B4GALT1: variants seen among roughly 807,000 people sequenced by gnomAD.
The protein encoded by B4GALT1 is beta-1,4-galactosyltransferase 1, also known as N-acetyllactosamine synthase.
A neutral mutation model predicts 34.9 loss-of-function variants in B4GALT1; 16 were observed. The ratio of observed to expected loss-of-function variants is 0.46; its 90% CI spans 0.31 to 0.70. B4GALT1 has a LOEUF of 0.70. Ranked by LOEUF, B4GALT1 falls within the 30% of genes least tolerant of loss-of-function variation. The probability of loss-of-function intolerance (pLI) is 0.05; values close to 1 mark genes in which losing one functional copy is unlikely to be tolerated. For synonymous variants in B4GALT1, 221 were observed against 218.1 expected (o/e 1.01, Z -0.12); for missense variants, 445 against 530.5 (o/e 0.84, Z 1.58).
Position 33,135,536 on chromosome 9 carries a change from C to T in B4GALT1, c.413-112G>A, listed in dbSNP as rs1430527315. On this transcript the variant is annotated intron_variant, in intron 1 of 5. Transcript: ENST00000379731. ...GCAGCTGCAGAGGAAATGTCTCCTC[C>T]TGGGAGGCAACGTGGCCACGGAGAG... 7 of 1,124,406 alleles carry T rather than the reference C, an allele frequency of 6.2e-6. No homozygotes were observed. The East Asian group carries it at 1.3e-4, about 21-fold the overall frequency. The allele number at this position is 1,124,406 out of a possible 1,614,324, so 69.7% of individuals were successfully genotyped here. A position where few individuals can be genotyped will look rare whatever the true frequency, so the allele number is the denominator to read the frequency against.
At chr9:33,146,399 A>C (rs1001454677) in intron 1 of B4GALT1, among the ~76,000 whole-genome samples, 1 of 152,214 alleles carries the variant, frequency 6.6e-6, no homozygotes, top group Middle Eastern at 3.2e-3. Flanking sequence ...GCTTCTCAGA[A>C]AGGTTTAGAA....
intron 2 of B4GALT1, among the ~76,000 whole-genome samples, chr9:33,126,122 T>G (rs1013066550): frequency 2.0e-5 from 3 of 152,062 alleles, no homozygotes; most frequent in African/African-American, 7.2e-5. Context: ...ACAGGACAGA[T>G]CCGGGGGCAG....
At chr9:33,163,166 T>C (rs1044792931) in intron 1 of B4GALT1, among the ~76,000 whole-genome samples, 2 of 152,004 alleles carry the variant, frequency 1.3e-5, no homozygotes, top group African/African-American at 4.8e-5. Context: ...TGTCCACATG[T>C]GTGCATATGA....
Position 33,167,177 on chromosome 9 carries a change from C to A in B4GALT1, c.-8G>T. On this transcript the variant is annotated 5_prime_UTR_variant, in exon 1 of 6. Coordinates refer to ENST00000379731, the MANE Select transcript of B4GALT1 (RefSeq NM_001497.4). The stretch of plus-strand genomic sequence containing the variant: ...CGGCTCCCGAAGCCTCATCTTCCCG[C>A]CGCCGCTTTAAGAAGGGTGTGGGCT... The A allele has an allele frequency of 6.3e-7, 1 of 1,594,492 alleles. No individual in the cohort carries two copies.
chr9:33,165,439 T>C (rs1278454929), intron 1 of B4GALT1, among the ~76,000 whole-genome samples: 1 of 152,210 alleles, frequency 6.6e-6, no homozygotes, highest in African/African-American at 2.4e-5. Context: ...ATGGGACTAG[T>C]CTGCTTCCCA....
chr9:33,121,782 CTGAATGAA>C (rs529679969), intron 2 of B4GALT1, among the ~76,000 whole-genome samples: 8 of 152,036 alleles, frequency 5.3e-5, no homozygotes, highest in East Asian at 1.9e-4. Context: ...TGCTGGTTGG[CTGAATGAA>C]TGAATGAATG....
the B4GALT1 span, among the ~76,000 whole-genome samples, chr9:33,184,235 AAAAT>A: frequency 7.0e-6 from 1 of 143,064 alleles, no homozygotes. Flanking sequence ...AAAACAAAAT[AAAAT>A]AAAGTCACTC....
chr9:33,167,660 G>A (rs1840792357), upstream of B4GALT1, among the ~76,000 whole-genome samples: 1 of 152,250 alleles, frequency 6.6e-6, no homozygotes, highest in Admixed American at 6.5e-5. Flanking sequence ...GCCACTTCCT[G>A]GGGTGCGAAG....
At chr9:33,121,576 G>A (rs1005694173) in intron 2 of B4GALT1, among the ~76,000 whole-genome samples, 1 of 150,072 alleles carries the variant, frequency 6.7e-6, no homozygotes, top group African/African-American at 2.5e-5. Context: ...TTTCACGTTG[G>A]CCAGGCTGGT....
chr9:33,152,134 G>A lies in B4GALT1; in HGVS notation c.412+14624C>T, dbSNP rs138309065. Among the ~76,000 whole-genome samples, 677 of 151,992 alleles carry A rather than the reference G, an allele frequency of 4.5e-3. 7 individuals carry two copies. Among genetic ancestry groups the A allele is most frequent in the African/African-American group, 0.015 (633 of 41,454 alleles). On this transcript the variant is annotated intron_variant, in intron 1 of 5. Transcript: ENST00000379731. ...AGCTTGACCTACATAGTGAAACCCC[G>A]TCTCTACTAAAACACAAAAATTAGC...
chr9:33,184,188 TA>T, the B4GALT1 span, among the ~76,000 whole-genome samples: 1 of 149,052 alleles, frequency 6.7e-6, no homozygotes, highest in Non-Finnish European at 1.5e-5. Flanking sequence ...AAAGGAAATA[TA>T]AAAAAGAAAA....
At chr9:33,146,674 C>T (rs373859365) in intron 1 of B4GALT1, among the ~76,000 whole-genome samples, 18 of 147,118 alleles carry the variant, frequency 1.2e-4, no homozygotes, top group African/African-American at 4.5e-4. Flanking sequence ...TCTACAGGAA[C>T]TAAATGCAAT....
At chr9:33,115,478 G>C (rs768310705) in intron 4 of B4GALT1, among the ~76,000 whole-genome samples, 6 of 152,236 alleles carry the variant, frequency 3.9e-5, no homozygotes, top group Non-Finnish European at 8.8e-5. Flanking sequence ...AGAGCCCCAG[G>C]ATGTGGATGG....
At position 33,111,554 on chromosome 9, in the gene B4GALT1, A is replaced by G. The variant is rs1839863002; in HGVS notation, c.*1900T>C. The G allele has an allele frequency of 6.6e-6, 1 of 152,214 alleles. No individual in the cohort carries two copies. The highest frequency in any genetic ancestry group is 6.6e-5 in the Admixed American group (1 of 15,240). 9.4% of individuals were successfully genotyped at this position (152,214 alleles called of 1,614,324 possible). ...GGAAAATAATTTTTAACCAATACAA[A>G]GGCTTCTGGAAAAAGAACCAAGTTA... On this transcript the variant is annotated 3_prime_UTR_variant, in exon 6 of 6. Coordinates refer to ENST00000379731, the MANE Select transcript of B4GALT1 (RefSeq NM_001497.4).
chr9:33,137,015 C>T (rs1369950885), intron 1 of B4GALT1, among the ~76,000 whole-genome samples: 1 of 152,200 alleles, frequency 6.6e-6, no homozygotes, highest in Non-Finnish European at 1.5e-5. Flanking sequence ...ACACATCTCA[C>T]ATCTTCCCTC....
chr9:33,126,597 C>T (rs1267582902), intron 2 of B4GALT1, among the ~76,000 whole-genome samples: 3 of 152,192 alleles, frequency 2.0e-5, no homozygotes, highest in African/African-American at 4.8e-5. Flanking sequence ...AGTTGTTAAA[C>T]ATTGTTAACT....
chr9:33,174,984 AAAAAAAATATATATAT>A, the B4GALT1 span, among the ~76,000 whole-genome samples: 5 of 14,876 alleles, frequency 3.4e-4, no homozygotes, highest in Non-Finnish European at 7.4e-4. Context: ...AAAAAAAAAA[AAAAAAAATATATATAT>A]ATATATATAT....
At chr9:33,151,384 G>A (rs1470901774) in intron 1 of B4GALT1, among the ~76,000 whole-genome samples, 3 of 152,150 alleles carry the variant, frequency 2.0e-5, no homozygotes, top group Admixed American at 2.0e-4. Context: ...TTCTGGAGCT[G>A]CGGTGCTGAC....
upstream of B4GALT1, among the ~76,000 whole-genome samples, chr9:33,168,542 A>T (rs1270460589): frequency 6.6e-6 from 1 of 152,244 alleles, no homozygotes; most frequent in Non-Finnish European, 1.5e-5. Context: ...CATTTCACAG[A>T]TGAGAAAATA....
Sources: gnomAD v4.1 joint callset for allele counts (sites outside exome capture counted in the v4.1 genomes callset) on GRCh38, gnomAD v4.1.1 for gene constraint, MANE v1.5 for transcripts, NCBI Gene and HGNC (gene_info 2026-07-23, HGNC 2026-07-21) for gene names.